The following ZYG11A variants were observed in gnomAD, a reference collection of about 807,000 sequenced individuals.
ZYG11A encodes the protein protein zyg-11 homolog A.
ZYG11A carries 62 observed loss-of-function variants against 77.2 expected under a neutral mutation model. The ratio of observed to expected loss-of-function variants is 0.80; its 90% CI spans 0.65 to 0.99. The LOEUF (loss-of-function observed/expected upper bound fraction) is 0.99, where lower values mean the gene tolerates loss of function less well. ZYG11A is among the 50% of genes least tolerant of loss of function. ZYG11A has a pLI of 0.00. For synonymous variants in ZYG11A, 315 were observed against 324.6 expected (o/e 0.97, Z 0.32); for missense variants, 828 against 896.8 (o/e 0.92, Z 0.98).
rs1420319727 is a variant in ZYG11A at position 52,842,898 on chromosome 1, G to T, written c.15G>T (p.Leu5Phe). MVHFLHPGHTPRNIV... is the reference protein window; with the variant it reads MVHFFHPGHTPRNIV... ...CCGGGGTTGCCATGGTTCATTTCTT[G>T]CACCCGGGCCACACGCCCCGGAACA... The change falls in exon 1 of 14, where the codon TTG (leucine) becomes TTT (phenylalanine). Residue 5 changes from leucine to phenylalanine, a missense_variant. By Grantham distance (22) the Leu-to-Phe change is conservative (BLOSUM62 0). Transcript: ENST00000371528. 1 of 1,531,928 alleles carries T rather than the reference G, an allele frequency of 6.5e-7. No homozygotes were observed. Among genetic ancestry groups the T allele is most frequent in the African/African-American group, 1.4e-5 (1 of 70,412 alleles). The allele number at this position is 1,531,928 out of a possible 1,614,324, so 94.9% of individuals were successfully genotyped here. A position where few individuals can be genotyped will look rare whatever the true frequency, so the allele number is the denominator to read the frequency against.
At chr1:52,870,333 T>C (rs1377945162) in intron 8 of ZYG11A, among the ~76,000 whole-genome samples, 5 of 139,032 alleles carry the variant, frequency 3.6e-5, no homozygotes, top group Admixed American at 7.2e-5. Flanking sequence ...TCTCACTTCC[T>C]AGACAGGATG....
intron 1 of ZYG11A, among the ~76,000 whole-genome samples, chr1:52,850,045 C>A (rs926841136): frequency 2.0e-5 from 3 of 152,136 alleles, no homozygotes; most frequent in Non-Finnish European, 2.9e-5. Context: ...ATTGGGGCAC[C>A]ATGGTTTTCA....
At chr1:52,860,531 G>A (rs1240815552) in intron 3 of ZYG11A, among the ~76,000 whole-genome samples, 200 bp from the exon 4 acceptor site, 2 of 151,990 alleles carry the variant, frequency 1.3e-5, no homozygotes, top group South Asian at 2.1e-4. Context: ...TCCTGACCTC[G>A]GGTGATTCAC....
At position 52,854,578 on chromosome 1, in the gene ZYG11A, G is replaced by A; in HGVS notation, c.204G>A (p.Trp68Ter). The A allele has an allele frequency of 6.5e-7, 1 of 1,549,620 alleles. No individual in the cohort carries two copies. Among genetic ancestry groups the A allele is most frequent in the Admixed American group, 2.0e-5 (1 of 50,946 alleles). The change falls in exon 2 of 14, where the codon TGG becomes TGA. Residue 68 changes from tryptophan (W) to a stop codon, truncating the protein, a stop_gained. Transcript: ENST00000371528. LOFTEE classifies it high-confidence loss of function. ...GAACACTGTGCCTTCCGGAGCATTG[G>A]AGTTTCCCTCAGGAAGTAGCCGAGC... ...PDGTLCLPEHWSFPQEVAERF... is the reference protein window; with the variant it reads ...PDGTLCLPEH
rs572872138 is a variant in ZYG11A at position 52,846,501 on chromosome 1, C to T, written c.90+3528C>T. Among the ~76,000 whole-genome samples the T allele has an allele frequency of 1.6e-3, 238 of 151,244 alleles. 2 individuals are homozygous for T. The highest frequency in any genetic ancestry group is 5.4e-3 in the African/African-American group (221 of 41,278). Reference sequence around the variant, plus strand: ...TTGAGTAGCTGGGACTATAGGTGCACGCCACCATTCCCGGCTAATTTTTGT... The same window carrying T: ...TTGAGTAGCTGGGACTATAGGTGCATGCCACCATTCCCGGCTAATTTTTGT... On this transcript the variant is annotated intron_variant, in intron 1 of 13. Transcript: ENST00000371528.
chr1:52,875,842 G>C (rs958154632), intron 8 of ZYG11A, among the ~76,000 whole-genome samples: 2 of 149,726 alleles, frequency 1.3e-5, no homozygotes, highest in African/African-American at 4.9e-5. Context: ...AAGAGTGGGT[G>C]TATTTCTCAA....
At position 52,857,499 on chromosome 1, in the gene ZYG11A, G is replaced by C; in HGVS notation, c.758G>C (p.Arg253Thr). ...AAATCACAAATTCTTGCAGTCATTAGAGAACTTAAATGTCTGCTTCACCTT... is the reference window on the plus strand; with the variant it reads ...AAATCACAAATTCTTGCAGTCATTACAGAACTTAAATGTCTGCTTCACCTT... ...MTKSQILAVI[R>T]ELKCLLHLDI... The change falls in exon 3 of 14, where the codon AGA becomes ACA. Residue 253 changes from arginine to threonine, a missense_variant. By Grantham distance (71) the Arg-to-Thr change is moderately conservative (BLOSUM62 -1). Transcript: ENST00000371528. 6.4e-7 allele frequency: 1 copy of C among 1,552,202 alleles called. No individual in the cohort carries two copies. Among genetic ancestry groups the C allele is most frequent in the Non-Finnish European group, 8.7e-7 (1 of 1,147,106 alleles).
At position 52,893,351 on chromosome 1, in the gene ZYG11A, C is replaced by T; in HGVS notation, c.*394C>T. 6.2e-6 allele frequency: 1 copy of T among 161,874 alleles called. No individual in the cohort carries two copies. The highest frequency in any genetic ancestry group is 1.4e-5 in the Non-Finnish European group (1 of 73,334). The allele number at this position is 161,874 out of a possible 1,614,324, so 10.0% of individuals were successfully genotyped here. ...AGACTTTGATATTTATATTAAATTT[C>T]CTTTGTTGTTATCGTCATGTGAAGC... On this transcript the variant is annotated 3_prime_UTR_variant, in exon 14 of 14. Coordinates refer to ENST00000371528, the MANE Select transcript of ZYG11A (RefSeq NM_001004339.3).
rs1646595628 is a variant in ZYG11A at position 52,894,682 on chromosome 1, T to G, written c.*1725T>G. The G allele has an allele frequency of 1.3e-5, 2 of 152,260 alleles. No individual in the cohort carries two copies. The highest frequency in any genetic ancestry group is 4.1e-4 in the South Asian group (2 of 4,832). The allele number at this position is 152,260 out of a possible 1,614,324, so 9.4% of individuals were successfully genotyped here. A position where few individuals can be genotyped will look rare whatever the true frequency, so the allele number is the denominator to read the frequency against. On this transcript the variant is annotated 3_prime_UTR_variant, in exon 14 of 14. Coordinates refer to ENST00000371528, the MANE Select transcript of ZYG11A (RefSeq NM_001004339.3). Reference sequence around the variant, plus strand: ...GAGGAAGAAGCTCATTCTCTTACTCTAAACCATGTTCCAAACTATTACCAG... The same window carrying G: ...GAGGAAGAAGCTCATTCTCTTACTCGAAACCATGTTCCAAACTATTACCAG...
chr1:52,865,402 C>T (rs1047946908), intron 5 of ZYG11A, among the ~76,000 whole-genome samples: 7 of 152,170 alleles, frequency 4.6e-5, no homozygotes, highest in Admixed American at 6.5e-5. Flanking sequence ...AAGATTTGAA[C>T]ACTTTGGTAG....
At chr1:52,887,387 A>G (rs576923603) in intron 13 of ZYG11A, among the ~76,000 whole-genome samples, 1 of 152,092 alleles carries the variant, frequency 6.6e-6, no homozygotes, top group Non-Finnish European at 1.5e-5. Context: ...TATGAAATAT[A>G]TTTTTTAACA....
At chr1:52,879,813 A>C (rs1018333031) in intron 10 of ZYG11A, among the ~76,000 whole-genome samples, 78 of 151,536 alleles carry the variant, frequency 5.1e-4, no homozygotes, top group African/African-American at 1.9e-3. Context: ...CCCAGGCTGG[A>C]GTGCAATGGT....
At chr1:52,845,719 T>G (rs72895492) in intron 1 of ZYG11A, among the ~76,000 whole-genome samples, 5,700 of 152,036 alleles carry the variant, frequency 0.037, 325 homozygotes, top group African/African-American at 0.13. Flanking sequence ...AAATTGATTT[T>G]TGCAGGGAGG....
At chr1:52,844,926 T>A (rs1484128378) in intron 1 of ZYG11A, among the ~76,000 whole-genome samples, 3 of 152,122 alleles carry the variant, frequency 2.0e-5, no homozygotes, top group Admixed American at 2.0e-4. Flanking sequence ...AGTCATATTA[T>A]TTTCTTTTTA....
At chr1:52,891,690 A>C (rs979576784) in intron 13 of ZYG11A, among the ~76,000 whole-genome samples, 1 of 151,724 alleles carries the variant, frequency 6.6e-6, no homozygotes, top group Non-Finnish European at 1.5e-5. Context: ...TTGTGGGTCT[A>C]CTTTTATGTA....
At chr1:52,890,053 G>GTTTT (rs67041059) in intron 13 of ZYG11A, among the ~76,000 whole-genome samples, 1 of 118,520 alleles carries the variant, frequency 8.4e-6, no homozygotes, top group Admixed American at 9.1e-5. Flanking sequence ...ATCACTGCTT[G>GTTTT]TTTTTTTTTT....
intron 1 of ZYG11A, among the ~76,000 whole-genome samples, chr1:52,852,630 C>T (rs113983276): frequency 0.019 from 2,823 of 152,214 alleles, 59 homozygotes; most frequent in African/African-American, 0.063. Context: ...TCCCAAAATG[C>T]ACGAATTAAC....
In ZYG11A at chr1:52,857,123, A is replaced by G. The variant is rs1160466446; in HGVS notation, c.382A>G (p.Ile128Val). Residue 128 changes from isoleucine to valine, a missense_variant, in exon 3 of 14, where the codon ATT becomes GTT. Physicochemically the swap from Ile to Val is conservative, Grantham distance 29 (BLOSUM62 3). Transcript: ENST00000371528. ...AAAAGCCTTCTGCCGTCATAAGCTC[A>G]TTGAACTGAATGCTACTGCAGTGCA... Reference protein sequence around the residue: ...FIKAFCRHKLIELNATAVHAD... With the variant: ...FIKAFCRHKLVELNATAVHAD... The G allele has an allele frequency of 2.6e-6, 4 of 1,551,746 alleles. No homozygotes were observed. The East Asian group carries it at 7.3e-5, about 28-fold the overall frequency.
Position 52,892,846 on chromosome 1 carries a change from G to A in ZYG11A, c.2169G>A (p.Glu723=). The change falls in exon 14 of 14, where the codon GAG becomes GAA. Residue 723 remains glutamate, a synonymous_variant. Transcript: ENST00000371528. ...EGLQLLCDIQ[E]HSEATPKAQQ... ...TGCAGCTTTTGTGTGATATCCAGGA[G>A]CACAGTGAGGCAACCCCCAAAGCAC... is the stretch of plus-strand genomic sequence containing the variant. The A allele has an allele frequency of 6.4e-7, 1 of 1,551,674 alleles. No homozygotes were observed. The highest frequency in any genetic ancestry group is 8.7e-7 in the Non-Finnish European group (1 of 1,146,980).
Sources: gnomAD v4.1 joint callset for allele counts (sites outside exome capture counted in the v4.1 genomes callset) on GRCh38, gnomAD v4.1.1 for gene constraint, MANE v1.5 for transcripts, NCBI Gene and HGNC (gene_info 2026-07-23, HGNC 2026-07-21) for gene names.